The following TOR3A variants were observed in gnomAD, a reference collection of about 807,000 sequenced individuals.
TOR3A encodes the protein torsin family 3 member A, also known as torsin-3A.
In TOR3A, 44 loss-of-function variants were observed where a neutral mutation model predicts 42.1. That is an observed-to-expected ratio of 1.04 (90% CI 0.82 to 1.34). The LOEUF (loss-of-function observed/expected upper bound fraction) is 1.34. Among genes scored for constraint, TOR3A ranks in the 40% most tolerant of loss-of-function variants. The probability of loss-of-function intolerance (pLI) is 0.00; values close to 1 mark genes in which losing one functional copy is unlikely to be tolerated. For synonymous variants in TOR3A, 227 were observed against 213.2 expected (o/e 1.06, Z -0.57); for missense variants, 521 against 507.6 (o/e 1.03, Z -0.25).
intron 3 of TOR3A, among the ~76,000 whole-genome samples, chr1:179,087,209 T>A (rs972640215): frequency 6.6e-6 from 1 of 152,188 alleles, no homozygotes; most frequent in African/African-American, 2.4e-5. Flanking sequence ...CAAAGAACCA[T>A]CTTTTCACTT....
intron 4 of TOR3A, 184 bp downstream of exon 4, chr1:179,088,273 C>T: frequency 1.8e-6 from 1 of 550,482 alleles, no homozygotes; most frequent in Non-Finnish European, 2.9e-6. Flanking sequence ...TTTGGGAGGC[C>T]AAGGCGGCCG....
At chr1:179,086,003 A>C in intron 3 of TOR3A, 110 bp downstream of exon 3, 1 of 1,384,032 alleles carries the variant, frequency 7.2e-7, no homozygotes, top group South Asian at 1.4e-5. Flanking sequence ...AGGTGGGGAC[A>C]GGTGGCAGAA....
chr1:179,084,778 G>A (rs1470264263), intron 2 of TOR3A, among the ~76,000 whole-genome samples: 2 of 152,198 alleles, frequency 1.3e-5, no homozygotes, highest in Non-Finnish European at 2.9e-5. Flanking sequence ...GATTTGGAAT[G>A]CTCACCCACA....
In TOR3A at chr1:179,082,575, C is replaced by A. The variant is rs551483454; in HGVS notation, c.259+188C>A. On this transcript the variant is annotated intron_variant, in intron 1 of 5. Coordinates refer to ENST00000367627, the MANE Select transcript of TOR3A (RefSeq NM_022371.4). ...GGGAGCCCCATCACCGCCCTTGCCC[C>A]ACCCGCGTCCCCTGCGCACCCCCCT... is the stretch of plus-strand genomic sequence containing the variant. 3.6e-5 allele frequency: 32 copies of A among 878,760 alleles called. No homozygotes were observed. The African/African-American group carries it at 3.8e-4, about 10-fold the overall frequency. 54.4% of individuals were successfully genotyped at this position (878,760 alleles called of 1,614,324 possible). A position where few individuals can be genotyped will look rare whatever the true frequency, so the allele number is the denominator to read the frequency against.
chr1:179,083,345 A>ACT (rs60513555), intron 2 of TOR3A, among the ~76,000 whole-genome samples: 106,264 of 151,716 alleles, frequency 0.7, 38,405 homozygotes, highest in African/African-American at 0.88. Flanking sequence ...GGAACTATCC[A>ACT]GAGAGAACTG....
intron 4 of TOR3A, chr1:179,088,309 A>G: frequency 2.6e-6 from 1 of 383,446 alleles, no homozygotes; most frequent in Non-Finnish European, 4.6e-6. Flanking sequence ...GGAGTTCAAG[A>G]CCAGCCTGGG....
chr1:179,089,135 T>C (rs1652511929), intron 4 of TOR3A, among the ~76,000 whole-genome samples: 1 of 151,832 alleles, frequency 6.6e-6, no homozygotes, highest in African/African-American at 2.4e-5. Flanking sequence ...TGAAACAGGG[T>C]CCAGGCGCAG....
At position 179,095,029 on chromosome 1, in the gene TOR3A, C is replaced by A; in HGVS notation, c.1005C>A (p.Phe335Leu). 3 of 1,614,234 alleles carry A rather than the reference C, an allele frequency of 1.9e-6. No homozygotes were observed. Among genetic ancestry groups the A allele is most frequent in the Non-Finnish European group, 2.5e-6 (3 of 1,180,052 alleles). ...ACCTGATTGACTACTTCATCCCCTT[C>A]CTGCCTTTGGAGTACCGTCACGTGA... Reference protein sequence around the residue: ...KENLIDYFIPFLPLEYRHVRL... With the variant: ...KENLIDYFIPLLPLEYRHVRL... The change falls in exon 6 of 6, where the codon TTC becomes TTA. Residue 335 changes from phenylalanine to leucine, a missense_variant. Coordinates refer to ENST00000367627, the MANE Select transcript of TOR3A (RefSeq NM_022371.4).
chr1:179,082,577 C>T (rs1484026606), intron 1 of TOR3A, 190 bp downstream of exon 1: 1 of 861,518 alleles, frequency 1.2e-6, no homozygotes, highest in Non-Finnish European at 1.8e-6. Flanking sequence ...CCTTGCCCCA[C>T]CCGCGTCCCC....
rs909684377 is a variant in TOR3A at position 179,088,245 on chromosome 1, C to A, written c.818+156C>A. 14 of 795,024 alleles carry A rather than the reference C, an allele frequency of 1.8e-5. No individual in the cohort carries two copies. In the African/African-American group the frequency reaches 1.8e-4, roughly 10 times the overall value. The allele number at this position is 795,024 out of a possible 1,614,324, so 49.2% of individuals were successfully genotyped here. ...AGCAGCAGCCAGCTGTGGTAGCTCA[C>A]GCCTGTAATCCCAGCACTTTGGGAG... On this transcript the variant is annotated intron_variant, in intron 4 of 5. Coordinates refer to ENST00000367627, the MANE Select transcript of TOR3A (RefSeq NM_022371.4).
At chr1:179,093,466 T>C (rs1237328881) in intron 4 of TOR3A, among the ~76,000 whole-genome samples, 8 of 152,212 alleles carry the variant, frequency 5.3e-5, no homozygotes, top group Admixed American at 4.6e-4. Flanking sequence ...CTTTCACTTC[T>C]CACATCCATC....
chr1:179,095,454 TCAAAAACAGAGCC>T lies in TOR3A; in HGVS notation c.*239_*251del, dbSNP rs890757655. On this transcript the variant is annotated 3_prime_UTR_variant, in exon 6 of 6. Coordinates refer to ENST00000367627, the MANE Select transcript of TOR3A (RefSeq NM_022371.4). ...TAGATAGGAACTTGGATTGCTGAATTCAAAAACAGAGCCCATTCTTAAGATCACTTGGTGCCTT... is the reference window on the plus strand; with the variant it reads ...TAGATAGGAACTTGGATTGCTGAATTCATTCTTAAGATCACTTGGTGCCTT... The T allele has an allele frequency of 3.6e-6, 5 of 1,380,788 alleles. No individual in the cohort carries two copies. The Admixed American group carries it at 1.6e-4, about 43-fold the overall frequency. The allele number at this position is 1,380,788 out of a possible 1,614,324, so 85.5% of individuals were successfully genotyped here.
chr1:179,085,569 G>A (rs756514400), intron 2 of TOR3A, 59 bp from the exon 3 acceptor site: 2 of 1,589,620 alleles, frequency 1.3e-6, no homozygotes, highest in African/African-American at 1.3e-5. Context: ...GCTGTTGGCT[G>A]TTGTGGTGGA....
Position 179,095,982 on chromosome 1 carries a change from T to C in TOR3A, c.*764T>C, listed in dbSNP as rs569222412. 8 of 985,388 alleles carry C rather than the reference T, an allele frequency of 8.1e-6. No homozygotes were observed. In the East Asian group the frequency reaches 3.4e-4, roughly 42 times the overall value. The allele number at this position is 985,388 out of a possible 1,614,324, so 61.0% of individuals were successfully genotyped here. ...TGTAAAGATGATAAGATTAAAATTT[T>C]TGATTTTCCTAAAATCCTTGGCGTA... On this transcript the variant is annotated 3_prime_UTR_variant, in exon 6 of 6. Coordinates refer to ENST00000367627, the MANE Select transcript of TOR3A (RefSeq NM_022371.4).
In TOR3A at chr1:179,082,352, G is replaced by T; in HGVS notation, c.224G>T (p.Cys75Phe). Residue 75 changes from cysteine to phenylalanine, a missense_variant, in exon 1 of 6, where the codon TGT becomes TTT. Coordinates refer to ENST00000367627, the MANE Select transcript of TOR3A (RefSeq NM_022371.4). ...LFSCQVWPDD[C>F]DEDEEAATGP... Reference sequence around the variant, plus strand: ...AGCTGCCAGGTGTGGCCCGACGACTGTGACGAGGACGAGGAGGCAGCCACG... The same window carrying T: ...AGCTGCCAGGTGTGGCCCGACGACTTTGACGAGGACGAGGAGGCAGCCACG... The T allele has an allele frequency of 6.2e-7, 1 of 1,607,060 alleles. No homozygotes were observed. Among genetic ancestry groups the T allele is most frequent in the Non-Finnish European group, 8.5e-7 (1 of 1,177,958 alleles).
At chr1:179,087,877 C>G (rs775996613) in intron 3 of TOR3A, 34 bp from the exon 4 acceptor site, 1 of 1,511,208 alleles carries the variant, frequency 6.6e-7, no homozygotes, top group African/African-American at 1.4e-5. Flanking sequence ...GAAGGAGTCA[C>G]CACTTCCCCA....
intron 4 of TOR3A, among the ~76,000 whole-genome samples, chr1:179,088,962 C>G (rs1381128484): frequency 6.6e-6 from 1 of 152,190 alleles, no homozygotes; most frequent in Non-Finnish European, 1.5e-5. Context: ...CAGGCCAGCA[C>G]TTGCTTGCTG....
Position 179,095,169 on chromosome 1 carries a change from C to T in TOR3A, c.1145C>T (p.Ser382Phe). ...CCCAAGGAGGAACAACTCTTTTCTTCCCAGGGCTGCAAGTCTATTTCCCAG... is the reference window on the plus strand; with the variant it reads ...CCCAAGGAGGAACAACTCTTTTCTTTCCAGGGCTGCAAGTCTATTTCCCAG... ...YVPKEEQLFSSQGCKSISQRI... is the reference protein window; with the variant it reads ...YVPKEEQLFSFQGCKSISQRI... The change falls in exon 6 of 6, where the codon TCC becomes TTC. Residue 382 changes from serine (S) to phenylalanine (F), a missense_variant. By Grantham distance (155) the Ser-to-Phe change is radical. Coordinates refer to ENST00000367627, the MANE Select transcript of TOR3A (RefSeq NM_022371.4). 2 of 1,614,148 alleles carry T rather than the reference C, an allele frequency of 1.2e-6. No homozygotes were observed. Among genetic ancestry groups the T allele is most frequent in the Non-Finnish European group, 1.7e-6 (2 of 1,180,026 alleles).
chr1:179,092,020 G>A (rs953167520), intron 4 of TOR3A, among the ~76,000 whole-genome samples: 1 of 152,222 alleles, frequency 6.6e-6, no homozygotes, highest in African/African-American at 2.4e-5. Context: ...TGTTCCTGCC[G>A]GGCTCCTCCA....
Sources: allele counts gnomAD v4.1 joint callset (sites outside exome capture counted in the v4.1 genomes callset), GRCh38; gene constraint gnomAD v4.1.1; transcripts MANE v1.5; gene names NCBI Gene and HGNC (gene_info 2026-07-23, HGNC 2026-07-21).